DOCK3: variants seen among roughly 807,000 people sequenced by gnomAD.
DOCK3 encodes dedicator of cytokinesis protein 3.
A neutral mutation model predicts 265.6 loss-of-function variants in DOCK3; 60 were observed. The observed-to-expected ratio is 0.23, with a 90% CI of 0.18 to 0.28. The LOEUF (loss-of-function observed/expected upper bound fraction) is 0.28, where lower values mean the gene tolerates loss of function less well. DOCK3 is among the 10% of genes least tolerant of loss of function. DOCK3 has a pLI of 1.00. For missense variants in DOCK3, 1,981 were observed against 2,594.3 expected, an observed-to-expected ratio of 0.76 and a Z score of 5.14; for synonymous variants, 881 against 938.0, an observed-to-expected ratio of 0.94 and a Z score of 1.11.
At chr3:51,204,101 A>T (rs1485546156) in intron 12 of DOCK3, among the ~76,000 whole-genome samples, 1 of 146,694 alleles carries the variant, frequency 6.8e-6, no homozygotes. Context: ...GGACATAGGC[A>T]TGGGCAAGGA....
chr3:50,792,580 G>A (rs190278153), intron 2 of DOCK3, among the ~76,000 whole-genome samples: 2 of 152,276 alleles, frequency 1.3e-5, no homozygotes, highest in African/African-American at 4.8e-5. Flanking sequence ...TATGACGTTG[G>A]CTGTGGGTTT....
At chr3:51,301,348 G>A (rs1261315393) in intron 27 of DOCK3, among the ~76,000 whole-genome samples, 1 of 151,630 alleles carries the variant, frequency 6.6e-6, no homozygotes, top group Non-Finnish European at 1.5e-5. Context: ...TTTTCAAAAA[G>A]CCAGATCCTG....
At chr3:50,883,716 T>A (rs1047106506) in intron 3 of DOCK3, among the ~76,000 whole-genome samples, 13 of 152,168 alleles carry the variant, frequency 8.5e-5, no homozygotes, top group Non-Finnish European at 1.5e-4. Context: ...ATTTGTATTT[T>A]AAATATTTTA....
chr3:51,031,302 CCATACTGAT>C (rs747812942), intron 5 of DOCK3, among the ~76,000 whole-genome samples: 2 of 152,086 alleles, frequency 1.3e-5, no homozygotes, highest in African/African-American at 4.8e-5. Context: ...GATCATAAAA[CCATACTGAT>C]CACTGCAGTT....
rs549540471 is a variant in DOCK3 at position 50,677,656 on chromosome 3, C to T, written c.37+2356C>T. The stretch of plus-strand genomic sequence containing the variant: ...TGGAGAAATTTGTGGAGGAGGGCCT[C>T]GAGGGCCTCCTTTTGCCCTGATGTT... On this transcript the variant is annotated intron_variant, in intron 1 of 52. Coordinates refer to ENST00000266037, the MANE Select transcript of DOCK3 (RefSeq NM_004947.5). Among the ~76,000 whole-genome samples, 5 of 152,262 alleles carry T rather than the reference C, an allele frequency of 3.3e-5. No individual in the cohort carries two copies. In the South Asian group the frequency reaches 6.2e-4, roughly 19 times the overall value.
intron 5 of DOCK3, among the ~76,000 whole-genome samples, chr3:50,955,284 C>T (rs538544559): frequency 9.2e-5 from 14 of 152,252 alleles, no homozygotes; most frequent in Non-Finnish European, 1.8e-4. Flanking sequence ...GGCAATTCCT[C>T]GAAGAGCTAA....
chr3:50,819,173 G>A (rs1284249577), intron 2 of DOCK3, among the ~76,000 whole-genome samples: 2 of 152,154 alleles, frequency 1.3e-5, no homozygotes, highest in Admixed American at 1.3e-4. Flanking sequence ...CTTTGACTTT[G>A]GCACCTGCAT....
At chr3:51,191,870 G>A (rs1317971850) in intron 12 of DOCK3, among the ~76,000 whole-genome samples, 1 of 151,504 alleles carries the variant, frequency 6.6e-6, no homozygotes, top group Non-Finnish European at 1.5e-5. Flanking sequence ...TGAGTTCCTT[G>A]TCTACTCTGA....
chr3:51,120,986 A>G (rs2083989231), intron 9 of DOCK3, among the ~76,000 whole-genome samples: 1 of 152,096 alleles, frequency 6.6e-6, no homozygotes, highest in South Asian at 2.1e-4. Flanking sequence ...GTTCTGTCTC[A>G]CTGGCGTTTC....
intron 23 of DOCK3, among the ~76,000 whole-genome samples, chr3:51,266,729 A>G (rs901251697): frequency 3.9e-5 from 6 of 152,260 alleles, no homozygotes; most frequent in African/African-American, 1.2e-4. Context: ...CAACCCTACA[A>G]GAAAATCTAG....
intron 9 of DOCK3, among the ~76,000 whole-genome samples, chr3:51,098,157 A>G (rs1014907644): frequency 6.6e-6 from 1 of 152,170 alleles, no homozygotes; most frequent in African/African-American, 2.4e-5. Context: ...TCCGGTTTCA[A>G]GCTGTTCTCC....
chr3:51,009,139 C>G (rs878961001), intron 5 of DOCK3, among the ~76,000 whole-genome samples: 1 of 152,016 alleles, frequency 6.6e-6, no homozygotes, highest in South Asian at 2.1e-4. Context: ...CATAAAATGA[C>G]TTAGGGATGA....
At chr3:51,011,961 C>T (rs984053347) in intron 5 of DOCK3, among the ~76,000 whole-genome samples, 6 of 152,164 alleles carry the variant, frequency 3.9e-5, no homozygotes, top group East Asian at 1.9e-4. Flanking sequence ...TAGCAAATGT[C>T]GCTGCCTCAT....
chr3:51,238,654 A>G (rs1433067089), intron 21 of DOCK3, among the ~76,000 whole-genome samples: 1 of 151,736 alleles, frequency 6.6e-6, no homozygotes, highest in Non-Finnish European at 1.5e-5. Context: ...GTTCCCCTCT[A>G]TGTGTCCATG....
At chr3:51,017,360 C>G (rs188358051) in intron 5 of DOCK3, among the ~76,000 whole-genome samples, 3 of 151,056 alleles carry the variant, frequency 2.0e-5, no homozygotes, top group East Asian at 1.9e-4. Flanking sequence ...TTTTAAATTT[C>G]TTTCTACTGT....
At chr3:51,251,228 A>C (rs180844350) in intron 22 of DOCK3, among the ~76,000 whole-genome samples, 1 of 152,288 alleles carries the variant, frequency 6.6e-6, no homozygotes, top group Non-Finnish European at 1.5e-5. Context: ...ATAGTATTCC[A>C]TGGTGTATAT....
At chr3:51,262,900 C>A (rs1362702694) in intron 23 of DOCK3, among the ~76,000 whole-genome samples, 1 of 152,154 alleles carries the variant, frequency 6.6e-6, no homozygotes, top group Non-Finnish European at 1.5e-5. Flanking sequence ...AACAAAGCCT[C>A]CAAGAAATAT....
At chr3:50,953,896 A>G in intron 5 of DOCK3, among the ~76,000 whole-genome samples, 1 of 152,072 alleles carries the variant, frequency 6.6e-6, no homozygotes, top group East Asian at 1.9e-4. Flanking sequence ...ATATCTACCT[A>G]TTTTTTAATT....
At chr3:51,196,315 T>C (rs895742908) in intron 12 of DOCK3, among the ~76,000 whole-genome samples, 4 of 152,160 alleles carry the variant, frequency 2.6e-5, no homozygotes, top group Admixed American at 2.6e-4. Context: ...TGATTATCTC[T>C]TGCTGTTTTT....
Sources: allele counts gnomAD v4.1 joint callset (sites outside exome capture counted in the v4.1 genomes callset), GRCh38; gene constraint gnomAD v4.1.1; transcripts MANE v1.5; gene names NCBI Gene and HGNC (gene_info 2026-07-23, HGNC 2026-07-21).